SUPV3L1: variants seen among roughly 807,000 people sequenced by gnomAD.
SUPV3L1 encodes the protein ATP-dependent RNA helicase SUPV3L1, mitochondrial.
In SUPV3L1, 35 loss-of-function variants were observed where a neutral mutation model predicts 70.0. That is an observed-to-expected ratio of 0.50 (90% confidence interval 0.38 to 0.66). SUPV3L1 has a LOEUF of 0.66. SUPV3L1 is among the 30% of genes least tolerant of loss of function. SUPV3L1 has a pLI of 0.00. For synonymous variants in SUPV3L1, 364 were observed against 341.9 expected (o/e 1.06, Z -0.71); for missense variants, 777 against 961.5 (o/e 0.81, Z 2.54).
At chr10:69,190,086 A>C (rs1337219251) in intron 5 of SUPV3L1, among the ~76,000 whole-genome samples, 1 of 152,134 alleles carries the variant, frequency 6.6e-6, no homozygotes, top group Non-Finnish European at 1.5e-5. Context: ...ATAAGCTTGA[A>C]CCTATTACAC....
chr10:69,198,703 C>A, intron 9 of SUPV3L1, 151 bp downstream of exon 9: 2 of 720,828 alleles, frequency 2.8e-6, no homozygotes, highest in South Asian at 2.2e-5. Flanking sequence ...AAATAATTTT[C>A]TATTTCATCT....
chr10:69,180,450 C>A lies in SUPV3L1; in HGVS notation c.159C>A (p.Ser53=). Residue 53 remains serine, a synonymous_variant, in exon 1 of 15, where the codon TCC becomes TCA. Transcript: ENST00000359655. The stretch of plus-strand genomic sequence containing the variant: ...TTGCCACCGCCTCCTCCTCTGCCTC[C>A]GGTGGCTCCAAAATACCAAACACGT... ...SVLATASSSA[S]GGSKIPNTSL... 1.2e-6 allele frequency: 2 copies of A among 1,614,244 alleles called. No individual in the cohort carries two copies. The highest frequency in any genetic ancestry group is 1.7e-6 in the Non-Finnish European group (2 of 1,180,038).
intron 10 of SUPV3L1, among the ~76,000 whole-genome samples, chr10:69,199,721 A>G (rs1387352147): frequency 6.6e-6 from 1 of 152,106 alleles, no homozygotes; most frequent in Non-Finnish European, 1.5e-5. Context: ...CACTACTGCT[A>G]ACCTATTGTA....
At position 69,202,864 on chromosome 10, in the gene SUPV3L1, A is replaced by C; in HGVS notation, c.1600-3A>C. 1 of 1,606,086 alleles carries C rather than the reference A, an allele frequency of 6.2e-7. No homozygotes were observed. The highest frequency in any genetic ancestry group is 8.5e-7 in the Non-Finnish European group (1 of 1,176,760). ...CAGTAATTTCTGTCTTTTTTTCCCC[A>C]AGGATATTTTTGTAGACTTTTCACA... On this transcript the variant is annotated splice_region_variant and splice_polypyrimidine_tract_variant and intron_variant, in intron 12 of 14. Coordinates refer to ENST00000359655, the MANE Select transcript of SUPV3L1 (RefSeq NM_003171.5).
intron 9 of SUPV3L1, 114 bp downstream of exon 9, chr10:69,198,666 G>T: frequency 6.3e-6 from 6 of 955,800 alleles, no homozygotes; most frequent in Non-Finnish European, 7.8e-6. Flanking sequence ...TTGATGTATT[G>T]GTAATTTGTT....
intron 1 of SUPV3L1, among the ~76,000 whole-genome samples, chr10:69,184,871 T>C (rs1320823527): frequency 5.3e-5 from 8 of 152,230 alleles, no homozygotes; most frequent in African/African-American, 1.9e-4. Flanking sequence ...GGGTAAAGGC[T>C]GTGTCCTCAT....
chr10:69,195,351 T>C (rs1297189632), intron 7 of SUPV3L1, 86 bp downstream of exon 7: 8 of 928,532 alleles, frequency 8.6e-6, no homozygotes, highest in Admixed American at 2.8e-5. Context: ...GCCAACCAAA[T>C]AGAGTCACCT....
chr10:69,207,459 C>T (rs566115444), intron 13 of SUPV3L1, among the ~76,000 whole-genome samples: 1 of 152,280 alleles, frequency 6.6e-6, no homozygotes, highest in East Asian at 1.9e-4. Context: ...GAATCACAGG[C>T]ACACACCACC....
intron 6 of SUPV3L1, chr10:69,192,754 G>A (rs960631071): frequency 1.3e-5 from 2 of 152,300 alleles, no homozygotes; most frequent in African/African-American, 4.8e-5. Context: ...CACCCAGGCT[G>A]AAGTGCAATG....
chr10:69,195,145 T>C, intron 6 of SUPV3L1, 43 bp from the exon 7 acceptor site: 1 of 1,504,486 alleles, frequency 6.6e-7, no homozygotes, highest in Non-Finnish European at 9.1e-7. Context: ...TATAATACTA[T>C]TTAAGTAGAT....
intron 13 of SUPV3L1, among the ~76,000 whole-genome samples, chr10:69,206,011 TGG>T (rs1842819253): frequency 8.9e-5 from 1 of 11,198 alleles, no homozygotes; most frequent in Non-Finnish European, 4.2e-3. Context: ...GGCCAGCTGC[TGG>T]ATGGATGGAT....
intron 5 of SUPV3L1, 85 bp downstream of exon 5, chr10:69,189,520 C>T (rs1842331312): frequency 2.2e-6 from 3 of 1,359,646 alleles, no homozygotes; most frequent in South Asian, 3.2e-5. Context: ...TAGTAATTTA[C>T]TGTTAACAAG....
intron 1 of SUPV3L1, chr10:69,182,548 G>A: frequency 1.0e-6 from 1 of 985,306 alleles, no homozygotes; most frequent in Non-Finnish European, 1.2e-6. Context: ...AAATGTAAAT[G>A]TCTTTGCTGC....
rs550336926 is a variant in SUPV3L1, at chr10:69,184,491, C to T, written c.272-1496C>T. Among the ~76,000 whole-genome samples the T allele has an allele frequency of 1.8e-3, 274 of 152,240 alleles. 1 individual carries two copies. The highest frequency in any genetic ancestry group is 6.8e-3 in the Middle Eastern group (2 of 294). On this transcript the variant is annotated intron_variant, in intron 1 of 14. Transcript: ENST00000359655. ...CGGAGGTTGCAGTGAGCTGAGATCG[C>T]GCCATTGCCCTCCAGCCTGGGCAAC...
intron 1 of SUPV3L1, among the ~76,000 whole-genome samples, chr10:69,183,065 A>G (rs1842111272): frequency 2.6e-5 from 4 of 151,672 alleles, no homozygotes; most frequent in Non-Finnish European, 5.9e-5. Flanking sequence ...TCTTACACAC[A>G]CCTCACCTTA....
intron 12 of SUPV3L1, 112 bp downstream of exon 12, chr10:69,202,631 A>T: frequency 8.4e-7 from 1 of 1,190,532 alleles, no homozygotes; most frequent in Non-Finnish European, 1.2e-6. Flanking sequence ...GTTGCTATTT[A>T]TAAAATTTAT....
At chr10:69,208,039 G>A (rs546420594) in intron 14 of SUPV3L1, 98 bp downstream of exon 14, 2 of 1,419,290 alleles carry the variant, frequency 1.4e-6, no homozygotes, top group Admixed American at 2.0e-5. Context: ...GGACATATTT[G>A]CAAGATGCTC....
chr10:69,198,695 A>T, intron 9 of SUPV3L1, 143 bp downstream of exon 9: 1 of 743,396 alleles, frequency 1.3e-6, no homozygotes, highest in Non-Finnish European at 2.1e-6. Context: ...TATAAAATAA[A>T]TAATTTTCTA....
chr10:69,183,278 T>C (rs190013214), intron 1 of SUPV3L1, among the ~76,000 whole-genome samples: 6 of 152,348 alleles, frequency 3.9e-5, no homozygotes, highest in African/African-American at 1.4e-4. Context: ...TAGTCTAAAT[T>C]GCCAGCTTCC....
Sources: allele counts gnomAD v4.1 joint callset (sites outside exome capture counted in the v4.1 genomes callset), GRCh38; gene constraint gnomAD v4.1.1; transcripts MANE v1.5; gene names NCBI Gene and HGNC (gene_info 2026-07-23, HGNC 2026-07-21).